The following BCAS3 variants were observed in gnomAD, a reference collection of about 807,000 sequenced individuals.
The protein encoded by BCAS3 is BCAS4/BCAS3 fusion.
BCAS3 carries 53 observed loss-of-function variants against 116.1 expected under a neutral mutation model. That is an observed-to-expected ratio of 0.46 (90% confidence interval 0.37 to 0.57). The LOEUF (loss-of-function observed/expected upper bound fraction) is 0.57, where lower values mean the gene tolerates loss of function less well. Ranked by LOEUF, BCAS3 falls within the 20% of genes least tolerant of loss-of-function variation. BCAS3 has a pLI of 0.00. For missense variants in BCAS3, 917 were observed against 1,165.4 expected (o/e 0.79, Z 3.10); for synonymous variants, 391 against 408.2 (o/e 0.96, Z 0.51).
intron 19 of BCAS3, among the ~76,000 whole-genome samples, chr17:61,059,063 CTTTTTTTTTTTTTTTTTTTT>C (rs869090870): frequency 7.0e-4 from 23 of 32,802 alleles, no homozygotes; most frequent in Admixed American, 2.5e-3. Context: ...TTCTCCCCAT[CTTTTTTTTTTTTTTTTTTTT>C]TTTTTTTTTT....
chr17:61,162,051 T>C lies in BCAS3; in HGVS notation c.2425+77487T>C, dbSNP rs1468582607. On this transcript the variant is annotated intron_variant, in intron 22 of 23. Transcript: ENST00000407086. This position sits in a 1 kb window ranked among gnomAD's most constrained non-coding sequence, Gnocchi z 5.6. ...CTGATTTATATTTATAGGCTGGTTG[T>C]AGATTTGGTTGATAGAATATAAAGT... is the stretch of plus-strand genomic sequence containing the variant. 1.3e-5 allele frequency among the ~76,000 whole-genome samples: 2 copies of C among 152,252 alleles called. No individual in the cohort carries two copies. The highest frequency in any genetic ancestry group is 2.9e-5 in the Non-Finnish European group (2 of 68,048).
chr17:61,270,112 ATTTTTTT>A (rs1202865412), intron 22 of BCAS3, among the ~76,000 whole-genome samples: 5 of 68,812 alleles, frequency 7.3e-5, no homozygotes, highest in Non-Finnish European at 1.1e-4. Context: ...GCCTTCTGCC[ATTTTTTT>A]TTTTTTTTTT....
chr17:60,940,498 A>T (rs550639870), intron 13 of BCAS3, among the ~76,000 whole-genome samples: 1 of 152,220 alleles, frequency 6.6e-6, no homozygotes, highest in East Asian at 1.9e-4. Context: ...TATTAATCTG[A>T]CTTTAATAAG....
chr17:61,364,222 C>T lies in BCAS3; in HGVS notation c.2426-4105C>T, dbSNP rs1370236311. 2.0e-5 allele frequency among the ~76,000 whole-genome samples: 3 copies of T among 152,170 alleles called. No individual in the cohort carries two copies. The highest frequency in any genetic ancestry group is 6.5e-5 in the Admixed American group (1 of 15,282). ...TTCGCTCCTCAACTTCCTAGCTGTG[C>T]GCATGCGAAGAGAGAACAGACCCAC... is the stretch of plus-strand genomic sequence containing the variant. On this transcript the variant is annotated intron_variant, in intron 22 of 23. Coordinates refer to ENST00000407086, the MANE Select transcript of BCAS3 (RefSeq NM_017679.5). This position sits in a 1 kb window ranked among gnomAD's most constrained non-coding sequence, Gnocchi z 5.4.
rs2057345846 is a variant in BCAS3, at chr17:61,343,924, T to C, written c.2426-24403T>C. Among the ~76,000 whole-genome samples the C allele has an allele frequency of 6.6e-6, 1 of 152,134 alleles. No individual in the cohort carries two copies. Among genetic ancestry groups the C allele is most frequent in the South Asian group, 2.1e-4 (1 of 4,828 alleles). On this transcript the variant is annotated intron_variant, in intron 22 of 23. Transcript: ENST00000407086. The surrounding 1 kb of genome is among the most constrained non-coding windows in gnomAD (Gnocchi z 5.5). ...TTTCGCTTCCTTCCACACAGTCCAG[T>C]GCTTTGTTAGGTACCTGCATCCCAG...
intron 7 of BCAS3, among the ~76,000 whole-genome samples, chr17:60,825,972 C>T (rs1362579908): frequency 6.6e-6 from 1 of 151,478 alleles, no homozygotes; most frequent in African/African-American, 2.4e-5. Context: ...ATTCTCCTGC[C>T]TCAGCCTCCC....
At chr17:60,718,311 G>A (rs2038869444) in intron 5 of BCAS3, among the ~76,000 whole-genome samples, 1 of 151,886 alleles carries the variant, frequency 6.6e-6, no homozygotes, top group Non-Finnish European at 1.5e-5. Flanking sequence ...GGTTCATACA[G>A]CTGCCTACTG....
chr17:60,946,615 GA>G lies in BCAS3; in HGVS notation c.1088-599del, dbSNP rs372394135. On this transcript the variant is annotated intron_variant, in intron 13 of 23. Transcript: ENST00000407086. ...ATGTCATTTTCACATTCTTTGTTTT[GA>G]AAAATGATTGTGGCTGGGCACGGTG... Among the ~76,000 whole-genome samples the G allele has an allele frequency of 5.8e-4, 88 of 152,150 alleles. No individual in the cohort carries two copies. In the East Asian group the frequency reaches 8.9e-3, roughly 15 times the overall value.
intron 21 of BCAS3, among the ~76,000 whole-genome samples, chr17:61,081,538 C>T (rs2072609891): frequency 6.6e-6 from 1 of 152,106 alleles, no homozygotes; most frequent in Non-Finnish European, 1.5e-5. Flanking sequence ...GTTTACAGGA[C>T]ACATATAACC....
rs1041687861 is a variant in BCAS3 at position 61,356,157 on chromosome 17, G to C, written c.2426-12170G>C. On this transcript the variant is annotated intron_variant, in intron 22 of 23. Coordinates refer to ENST00000407086, the MANE Select transcript of BCAS3 (RefSeq NM_017679.5). The surrounding 1 kb of genome is among the most constrained non-coding windows in gnomAD (Gnocchi z 5.4). ...TTACAGGCGCCTGCCATCATGCCCGGCTGATTTTTGTATTTTTGTAGAGAC... is the reference window on the plus strand; with the variant it reads ...TTACAGGCGCCTGCCATCATGCCCGCCTGATTTTTGTATTTTTGTAGAGAC... Among the ~76,000 whole-genome samples, 2 of 152,104 alleles carry C rather than the reference G, an allele frequency of 1.3e-5. No homozygotes were observed. Among genetic ancestry groups the C allele is most frequent in the African/African-American group, 4.8e-5 (2 of 41,424 alleles).
chr17:61,218,109 C>T lies in BCAS3; in HGVS notation c.2425+133545C>T, dbSNP rs569603541. 6.6e-5 allele frequency among the ~76,000 whole-genome samples: 10 copies of T among 152,304 alleles called. No homozygotes were observed. The South Asian group carries it at 2.1e-3, about 32-fold the overall frequency. On this transcript the variant is annotated intron_variant, in intron 22 of 23. Coordinates refer to ENST00000407086, the MANE Select transcript of BCAS3 (RefSeq NM_017679.5). ...AGAACTGAGATGGTTAAAGGAAAGA[C>T]TCCTAAATGTTGGGTCATGAGAGAT...
At chr17:60,892,088 T>C (rs1020072170) in intron 10 of BCAS3, among the ~76,000 whole-genome samples, 5 of 152,216 alleles carry the variant, frequency 3.3e-5, no homozygotes, top group African/African-American at 1.2e-4. Context: ...GACTTTGCTA[T>C]TGTGACTAGT....
intron 22 of BCAS3, among the ~76,000 whole-genome samples, chr17:61,358,149 A>G (rs976250954): frequency 2.6e-5 from 4 of 152,144 alleles, no homozygotes; most frequent in Non-Finnish European, 5.9e-5. Flanking sequence ...AGAGTCCCCT[A>G]TAGCCTGACT....
At chr17:61,076,052 C>G (rs2071951693) in intron 20 of BCAS3, among the ~76,000 whole-genome samples, 1 of 152,168 alleles carries the variant, frequency 6.6e-6, no homozygotes, top group Admixed American at 6.5e-5. Context: ...AGCCACCATG[C>G]CCAGTCTCCA....
intron 23 of BCAS3, among the ~76,000 whole-genome samples, chr17:61,372,366 G>A (rs2059093161): frequency 6.6e-6 from 1 of 152,086 alleles, no homozygotes; most frequent in South Asian, 2.1e-4. Flanking sequence ...CCTTGTCTTG[G>A]CCCTGGTCTC....
At chr17:61,301,026 A>G (rs1191242639) in intron 22 of BCAS3, among the ~76,000 whole-genome samples, 2 of 152,252 alleles carry the variant, frequency 1.3e-5, no homozygotes, top group East Asian at 1.9e-4. Flanking sequence ...ATATAGTAAT[A>G]TATGTACTTA....
chr17:60,867,675 C>A (rs2054734945), intron 7 of BCAS3, among the ~76,000 whole-genome samples: 1 of 152,080 alleles, frequency 6.6e-6, no homozygotes, highest in Non-Finnish European at 1.5e-5. Context: ...CACAGATGAT[C>A]TATATTTCTA....
intron 7 of BCAS3, among the ~76,000 whole-genome samples, chr17:60,827,086 G>T (rs903876932): frequency 6.6e-6 from 1 of 152,154 alleles, no homozygotes; most frequent in African/African-American, 2.4e-5. Context: ...AAGGGTTTTG[G>T]AGTCACATAG....
chr17:60,800,319 A>G (rs1015599268), intron 6 of BCAS3, among the ~76,000 whole-genome samples: 10 of 152,162 alleles, frequency 6.6e-5, no homozygotes, highest in African/African-American at 2.2e-4. Flanking sequence ...GTAGGTATGT[A>G]GTGATGTCTC....
Sources: allele counts gnomAD v4.1 joint callset (sites outside exome capture counted in the v4.1 genomes callset), GRCh38; gene constraint gnomAD v4.1.1; non-coding constraint Gnocchi (gnomAD v3.1); transcripts MANE v1.5; gene names NCBI Gene and HGNC (gene_info 2026-07-23, HGNC 2026-07-21).